NRG1: variants seen among roughly 807,000 people sequenced by gnomAD.
NRG1 encodes the protein pro-neuregulin-1, membrane-bound isoform.
In NRG1, 18 loss-of-function variants were observed where a neutral mutation model predicts 63.8. The ratio of observed to expected loss-of-function variants is 0.28; its 90% CI spans 0.19 to 0.42. The LOEUF is 0.42. Ranked by LOEUF, NRG1 falls within the 10% of genes least tolerant of loss-of-function variation. The pLI is 1.00. For synonymous variants in NRG1, 302 were observed against 301.3 expected (o/e 1.00, Z -0.02); for missense variants, 762 against 814.7 (o/e 0.94, Z 0.79).
chr8:32,132,861 A>T (rs1408420566), intron 1 of NRG1, among the ~76,000 whole-genome samples: 4 of 152,082 alleles, frequency 2.6e-5, no homozygotes, highest in Non-Finnish European at 4.4e-5. Flanking sequence ...CCATCTTTGC[A>T]GCTAAGGAAG....
chr8:32,393,920 T>A (rs972637622), intron 1 of NRG1, among the ~76,000 whole-genome samples: 1 of 152,118 alleles, frequency 6.6e-6, no homozygotes, highest in African/African-American at 2.4e-5. Context: ...TGGTCTCCAG[T>A]GTTAAATATG....
chr8:31,640,285 G>T lies in NRG1; in HGVS notation c.37+854G>T. On this transcript the variant is annotated intron_variant, in intron 1 of 10. Coordinates refer to the NRG1 transcript ENST00000519301. The surrounding 1 kb of genome is among the most constrained non-coding windows in gnomAD (Gnocchi z 6.3). Reference sequence around the variant, plus strand: ...GCAGCAGGGGGCACTCGACAGGAAGGCGGCGGCGGCGGCGGGCGAGGCAGG... The same window carrying T: ...GCAGCAGGGGGCACTCGACAGGAAGTCGGCGGCGGCGGCGGGCGAGGCAGG... 1 of 1,053,952 alleles carries T rather than the reference G, an allele frequency of 9.5e-7. No homozygotes were observed. The highest frequency in any genetic ancestry group is 1.2e-6 in the Non-Finnish European group (1 of 865,262). 65.3% of individuals were successfully genotyped at this position (1,053,952 alleles called of 1,614,324 possible). A position where few individuals can be genotyped will look rare whatever the true frequency, so the allele number is the denominator to read the frequency against.
chr8:32,002,339 G>A (rs771671650), intron 1 of NRG1, among the ~76,000 whole-genome samples: 114 of 151,918 alleles, frequency 7.5e-4, no homozygotes, highest in Non-Finnish European at 4.9e-4. Flanking sequence ...TCTTTTGTAT[G>A]GCAGATCTAT....
chr8:32,574,634 C>T (rs1486852849), intron 1 of NRG1, among the ~76,000 whole-genome samples: 1 of 152,132 alleles, frequency 6.6e-6, no homozygotes, highest in Admixed American at 6.6e-5. Context: ...CCTGCTTTCA[C>T]CATGTGATGT....
chr8:31,722,473 T>C (rs1421872840), intron 1 of NRG1, among the ~76,000 whole-genome samples: 1 of 152,166 alleles, frequency 6.6e-6, no homozygotes, highest in Non-Finnish European at 1.5e-5. Context: ...GGGTATATCA[T>C]AGTATTGTTT....
At chr8:32,569,857 AAAC>A (rs1320383659) in intron 1 of NRG1, among the ~76,000 whole-genome samples, 7 of 151,766 alleles carry the variant, frequency 4.6e-5, no homozygotes, top group African/African-American at 1.7e-4. Flanking sequence ...TCTTTCCTAA[AAAC>A]AAGCCCTCTC....
intron 6 of NRG1, among the ~76,000 whole-genome samples, chr8:32,736,060 A>G (rs1824977822): frequency 6.6e-6 from 1 of 152,134 alleles, no homozygotes; most frequent in South Asian, 2.1e-4. Context: ...GGTGAGATAT[A>G]GGTTGGATCT....
Position 31,640,546 on chromosome 8 carries a change from T to A in NRG1, c.37+1115T>A, listed in dbSNP as rs1200325408. 6.2e-7 allele frequency: 1 copy of A among 1,611,800 alleles called. No homozygotes were observed. Among genetic ancestry groups the A allele is most frequent in the Non-Finnish European group, 8.5e-7 (1 of 1,179,408 alleles). ...GCTGCTCACCGTGCGCCTGGGGACC[T>A]GGGGCCACCCCGCCTTCCCCTCCTG... On this transcript the variant is annotated intron_variant, in intron 1 of 10. Transcript: ENST00000519301. This position sits in a 1 kb window ranked among gnomAD's most constrained non-coding sequence, Gnocchi z 6.3.
At chr8:32,703,404 A>C (rs889594435) in intron 5 of NRG1, among the ~76,000 whole-genome samples, 2 of 143,052 alleles carry the variant, frequency 1.4e-5, no homozygotes, top group African/African-American at 2.6e-5. Context: ...TATTGTAGAG[A>C]TATCTCACTA....
exon 1 of NRG1, chr8:32,548,607 C>G (rs1563618713): frequency 1.4e-6 from 2 of 1,387,836 alleles, no homozygotes; most frequent in Non-Finnish European, 1.9e-6. Context: ...GCGAGCGCCT[C>G]AGCGCGGCCG....
chr8:32,203,401 T>G (rs7836852), intron 1 of NRG1, among the ~76,000 whole-genome samples: 121,606 of 150,624 alleles, frequency 0.81, 49,777 homozygotes, highest in African/African-American at 0.92. Flanking sequence ...TTTTTCTTTT[T>G]AGACAGAGCC....
intron 1 of NRG1, among the ~76,000 whole-genome samples, chr8:31,770,958 T>C (rs887407104): frequency 6.6e-6 from 1 of 151,994 alleles, no homozygotes; most frequent in African/African-American, 2.4e-5. Context: ...AAATCAACAT[T>C]GGTAAATGCT....
chr8:31,831,260 C>A (rs965242831), intron 1 of NRG1, among the ~76,000 whole-genome samples: 2 of 151,958 alleles, frequency 1.3e-5, no homozygotes, highest in African/African-American at 2.4e-5. Flanking sequence ...CACCACCATG[C>A]CCGGCTAATT....
At chr8:31,857,170 A>G (rs564955842) in intron 1 of NRG1, among the ~76,000 whole-genome samples, 5 of 151,982 alleles carry the variant, frequency 3.3e-5, no homozygotes, top group Non-Finnish European at 7.4e-5. Flanking sequence ...TGCTTTGTTT[A>G]CCTAAGCAAG....
chr8:31,661,253 A>G (rs971235953), intron 1 of NRG1, among the ~76,000 whole-genome samples: 1 of 152,194 alleles, frequency 6.6e-6, no homozygotes, highest in Non-Finnish European at 1.5e-5. Flanking sequence ...TAGCAGATCA[A>G]AGGAATTTCC....
intron 1 of NRG1, among the ~76,000 whole-genome samples, chr8:31,702,206 C>T (rs976960713): frequency 6.6e-6 from 1 of 152,110 alleles, no homozygotes; most frequent in East Asian, 1.9e-4. Flanking sequence ...GAATGGCTGT[C>T]GGCATCTTGA....
intron 1 of NRG1, among the ~76,000 whole-genome samples, chr8:32,537,470 T>C (rs1832126368): frequency 6.6e-6 from 1 of 152,168 alleles, no homozygotes; most frequent in African/African-American, 2.4e-5. Flanking sequence ...CAGGGATAAT[T>C]CAGAATTACC....
chr8:32,054,314 A>G (rs948851182), intron 1 of NRG1, among the ~76,000 whole-genome samples: 1 of 152,188 alleles, frequency 6.6e-6, no homozygotes, highest in Non-Finnish European at 1.5e-5. Flanking sequence ...TTTTGAGGGC[A>G]GTGGTCAATA....
intron 1 of NRG1, among the ~76,000 whole-genome samples, chr8:32,531,912 A>T (rs1424403824): frequency 6.6e-6 from 1 of 152,228 alleles, no homozygotes; most frequent in Non-Finnish European, 1.5e-5. Context: ...TAAAAATATG[A>T]CTAGAATAAC....
Sources: allele counts gnomAD v4.1 joint callset (sites outside exome capture counted in the v4.1 genomes callset), GRCh38; gene constraint gnomAD v4.1.1; non-coding constraint Gnocchi (gnomAD v3.1); transcripts MANE v1.5; gene names NCBI Gene and HGNC (gene_info 2026-07-23, HGNC 2026-07-21).